SH3BP5: variants seen among roughly 807,000 people sequenced by gnomAD.
SH3BP5 encodes the protein SH3 domain-binding protein 5.
In SH3BP5, 22 loss-of-function variants were observed where a neutral mutation model predicts 43.3. The observed-to-expected ratio is 0.51, with a 90% CI of 0.36 to 0.73. The LOEUF is 0.73. Among genes scored for constraint, SH3BP5 ranks in the 30% least tolerant of loss-of-function variants. The pLI, the probability that SH3BP5 is intolerant of heterozygous loss-of-function variation, is 0.00. For synonymous variants in SH3BP5, 255 were observed against 225.8 expected (o/e 1.13, Z -1.16); for missense variants, 529 against 586.9 (o/e 0.90, Z 1.02).
chr3:15,289,922 C>A (rs1388485631), intron 3 of SH3BP5, among the ~76,000 whole-genome samples: 1 of 152,110 alleles, frequency 6.6e-6, no homozygotes, highest in Non-Finnish European at 1.5e-5. Flanking sequence ...ACTAAGCTGG[C>A]CTTACCCTGA....
intron 5 of SH3BP5, 116 bp from the exon 6 acceptor site, chr3:15,259,919 T>C (rs750221755): frequency 7.8e-6 from 7 of 898,896 alleles, no homozygotes; most frequent in Non-Finnish European, 1.3e-5. Context: ...TTCCAATATT[T>C]AGTAAACTCT....
At chr3:15,269,124 C>T (rs188241066) in intron 4 of SH3BP5, among the ~76,000 whole-genome samples, 8 of 152,222 alleles carry the variant, frequency 5.3e-5, no homozygotes, top group Non-Finnish European at 1.0e-4. Context: ...TCATGAGAGC[C>T]AGTAAAGAAC....
intron 2 of SH3BP5, among the ~76,000 whole-genome samples, chr3:15,326,356 C>G (rs1342783444): frequency 6.6e-6 from 1 of 152,200 alleles, no homozygotes; most frequent in Non-Finnish European, 1.5e-5. Flanking sequence ...ACCTCAGTCT[C>G]CAGCTACCCA....
chr3:15,275,378 C>T (rs1382856718), intron 3 of SH3BP5, among the ~76,000 whole-genome samples: 5 of 152,230 alleles, frequency 3.3e-5, no homozygotes, highest in Non-Finnish European at 7.3e-5. Flanking sequence ...ATCTGGTTCT[C>T]ACCATCATAT....
At chr3:15,340,816 G>GCGC (rs1299501721) in intron 1 of SH3BP5, among the ~76,000 whole-genome samples, 1 of 151,988 alleles carries the variant, frequency 6.6e-6, no homozygotes, top group Non-Finnish European at 1.5e-5. Context: ...ACTTTGGGAA[G>GCGC]CTGAGGCGGG....
At position 15,320,070 on chromosome 3, in the gene SH3BP5, C is replaced by T. The variant is rs149754821; in HGVS notation, c.201+10434G>A. Among the ~76,000 whole-genome samples, 616 of 152,284 alleles carry T rather than the reference C, an allele frequency of 4.0e-3. 7 individuals are homozygous for T. The highest frequency in any genetic ancestry group is 6.1e-3 in the Admixed American group (94 of 15,296). On this transcript the variant is annotated intron_variant, in intron 2 of 8. Transcript: ENST00000383791. ...CAAGTAAGAGAACATTAAATCTGTG[C>T]ACTTCAAATCTAGCAAAATGAAGCT...
intron 2 of SH3BP5, among the ~76,000 whole-genome samples, chr3:15,327,677 G>A (rs942120994): frequency 6.6e-6 from 1 of 152,238 alleles, no homozygotes; most frequent in Non-Finnish European, 1.5e-5. Flanking sequence ...GGAGGGCAAG[G>A]TCTTTGTCTT....
chr3:15,263,833 A>G (rs185789913), intron 4 of SH3BP5, among the ~76,000 whole-genome samples: 17 of 152,340 alleles, frequency 1.1e-4, no homozygotes, highest in African/African-American at 4.1e-4. Flanking sequence ...TCTTCTGCCT[A>G]CCACTCAGTG....
chr3:15,328,255 A>C (rs1698514159), intron 2 of SH3BP5, among the ~76,000 whole-genome samples: 1 of 152,186 alleles, frequency 6.6e-6, no homozygotes, highest in Non-Finnish European at 1.5e-5. Context: ...AAGTGTATTC[A>C]GAAATGGGAT....
chr3:15,318,286 G>C (rs1698232570), intron 2 of SH3BP5, among the ~76,000 whole-genome samples: 1 of 152,122 alleles, frequency 6.6e-6, no homozygotes, highest in Non-Finnish European at 1.5e-5. Context: ...GGACATATAT[G>C]CCAGGTACCA....
At position 15,288,479 on chromosome 3, in the gene SH3BP5, C is replaced by T. The variant is rs112785013; in HGVS notation, c.330+15624G>A. ...GACCGGTTGAAAGGCTATTTCAGGCCGGGGGCGGTGGCTAACGCCTGTAAT... is the reference window on the plus strand; with the variant it reads ...GACCGGTTGAAAGGCTATTTCAGGCTGGGGGCGGTGGCTAACGCCTGTAAT... On this transcript the variant is annotated intron_variant, in intron 3 of 8. Coordinates refer to ENST00000383791, the MANE Select transcript of SH3BP5 (RefSeq NM_004844.5). Among the ~76,000 whole-genome samples, 19 of 152,244 alleles carry T rather than the reference C, an allele frequency of 1.2e-4. 2 individuals are homozygous for T. Among genetic ancestry groups the T allele is most frequent in the African/African-American group, 4.6e-4 (19 of 41,550 alleles).
intron 1 of SH3BP5, 141 bp downstream of exon 1, chr3:15,332,130 A>G (rs1698627221): frequency 7.5e-7 from 1 of 1,329,584 alleles, no homozygotes; most frequent in South Asian, 1.4e-5. Context: ...CGGAGCATAC[A>G]GACCGTCTCC....
chr3:15,280,680 A>AC (rs914380267), intron 3 of SH3BP5, among the ~76,000 whole-genome samples: 1 of 151,918 alleles, frequency 6.6e-6, no homozygotes, highest in African/African-American at 2.4e-5. Flanking sequence ...AACATGCCCC[A>AC]CCTCTTAATT....
chr3:15,288,284 G>C (rs547853064), intron 3 of SH3BP5, among the ~76,000 whole-genome samples: 1 of 152,260 alleles, frequency 6.6e-6, no homozygotes, highest in East Asian at 1.9e-4. Flanking sequence ...GTAACAACCA[G>C]AATTATATTT....
chr3:15,273,918 C>T (rs1696886217), intron 3 of SH3BP5, among the ~76,000 whole-genome samples: 1 of 152,118 alleles, frequency 6.6e-6, no homozygotes, highest in Non-Finnish European at 1.5e-5. Context: ...CCTTTGGGAG[C>T]CATATTAGTC....
intron 2 of SH3BP5, 93 bp from the exon 3 acceptor site, chr3:15,304,324 C>T (rs1299246004): frequency 6.3e-7 from 1 of 1,592,698 alleles, no homozygotes; most frequent in South Asian, 1.1e-5. Flanking sequence ...CAACAAAGGA[C>T]TTTACCCAAC....
intron 1 of SH3BP5, among the ~76,000 whole-genome samples, chr3:15,340,502 C>T (rs755105196): frequency 1.6e-4 from 24 of 152,138 alleles, no homozygotes; most frequent in African/African-American, 2.4e-4. Context: ...CATGGTGGCT[C>T]ACACCTGTAA....
intron 2 of SH3BP5, among the ~76,000 whole-genome samples, chr3:15,326,817 G>C (rs1472914750): frequency 1.3e-5 from 2 of 152,208 alleles, no homozygotes; most frequent in South Asian, 2.1e-4. Context: ...TGTCTAGTGA[G>C]CTTTCCTGAG....
chr3:15,300,018 C>G (rs772032551), intron 3 of SH3BP5, among the ~76,000 whole-genome samples: 8 of 152,110 alleles, frequency 5.3e-5, no homozygotes, highest in East Asian at 3.8e-4. Flanking sequence ...ATCACCCCCC[C>G]AAATACTTTT....
Sources: allele counts gnomAD v4.1 joint callset (sites outside exome capture counted in the v4.1 genomes callset), GRCh38; gene constraint gnomAD v4.1.1; transcripts MANE v1.5; gene names NCBI Gene and HGNC (gene_info 2026-07-23, HGNC 2026-07-21).